NELL2: variants seen among roughly 807,000 people sequenced by gnomAD.
NELL2 encodes neural EGFL like 2.
In NELL2, 41 loss-of-function variants were observed where a neutral mutation model predicts 109.6. The ratio of observed to expected loss-of-function variants is 0.37; its 90% CI spans 0.29 to 0.49. The LOEUF is 0.49. Ranked by LOEUF, NELL2 falls within the 20% of genes least tolerant of loss-of-function variation. The pLI is 0.98. For missense variants in NELL2, 900 were observed against 1,008.3 expected, an observed-to-expected ratio of 0.89 and a Z score of 1.45; for synonymous variants, 355 against 344.7, an observed-to-expected ratio of 1.03 and a Z score of -0.33.
chr12:44,844,365 G>C (rs1339062031), intron 2 of NELL2, among the ~76,000 whole-genome samples: 5 of 152,092 alleles, frequency 3.3e-5, no homozygotes, highest in Admixed American at 3.3e-4. Flanking sequence ...CAATAAAAAG[G>C]GACAAACTTC....
chr12:44,716,243 A>C (rs1938480614), intron 9 of NELL2, among the ~76,000 whole-genome samples: 1 of 152,208 alleles, frequency 6.6e-6, no homozygotes, highest in South Asian at 2.1e-4. Context: ...AATGGAAACC[A>C]TGCACGTTTT....
intron 12 of NELL2, among the ~76,000 whole-genome samples, chr12:44,701,927 G>A (rs921024358): frequency 1.3e-5 from 2 of 152,062 alleles, no homozygotes; most frequent in Admixed American, 1.3e-4. Context: ...CCTGGCCCCT[G>A]CCTAATTCTC....
intron 9 of NELL2, among the ~76,000 whole-genome samples, chr12:44,743,720 TA>T (rs1361487158): frequency 6.6e-6 from 1 of 152,052 alleles, no homozygotes; most frequent in Non-Finnish European, 1.5e-5. Flanking sequence ...CACATAATGG[TA>T]AAGGGATCAA....
Position 44,523,278 on chromosome 12 carries a change from C to T in NELL2, c.1998+13G>A, listed in dbSNP as rs372252823. 751 of 1,613,794 alleles carry T rather than the reference C, an allele frequency of 4.7e-4. No individual in the cohort carries two copies. The highest frequency in any genetic ancestry group is 6.0e-4 in the Non-Finnish European group (705 of 1,179,806). ...CTGAATAAAATTAATTAAAGTTTTT[C>T]ATTTATACCAACCTGACATGAGCAC... On this transcript the variant is annotated intron_variant, in intron 17 of 19. Coordinates refer to ENST00000429094, the MANE Select transcript of NELL2 (RefSeq NM_001145108.2).
intron 2 of NELL2, among the ~76,000 whole-genome samples, chr12:44,846,761 A>G (rs1592645357): frequency 1.4e-5 from 1 of 72,494 alleles, no homozygotes; most frequent in Non-Finnish European, 4.1e-5. Context: ...GCAAGTGTAC[A>G]TATTTGTACT....
chr12:44,814,797 A>G (rs924222434), intron 3 of NELL2, among the ~76,000 whole-genome samples: 2 of 152,200 alleles, frequency 1.3e-5, no homozygotes, highest in Non-Finnish European at 2.9e-5. Flanking sequence ...TGTTCTCCAC[A>G]TAGATTTTCT....
chr12:44,706,390 A>G (rs908628901), intron 11 of NELL2, among the ~76,000 whole-genome samples: 1 of 152,158 alleles, frequency 6.6e-6, no homozygotes, highest in Non-Finnish European at 1.5e-5. Context: ...TCTGATCTAT[A>G]GGGAATAGCT....
intron 15 of NELL2, among the ~76,000 whole-genome samples, chr12:44,575,273 C>G (rs1944032740): frequency 6.6e-6 from 1 of 152,236 alleles, no homozygotes; most frequent in Admixed American, 6.5e-5. Flanking sequence ...TTTTAACTTA[C>G]TTAAAACTTG....
intron 16 of NELL2, among the ~76,000 whole-genome samples, chr12:44,531,491 G>A (rs1473971453): frequency 4.6e-5 from 7 of 152,088 alleles, no homozygotes; most frequent in African/African-American, 7.2e-5. Flanking sequence ...ACATGCAAAT[G>A]CCAGGTTTTA....
chr12:44,771,685 T>G (rs899241308), intron 9 of NELL2, among the ~76,000 whole-genome samples: 1 of 152,238 alleles, frequency 6.6e-6, no homozygotes, highest in Admixed American at 6.5e-5. Flanking sequence ...CAATGCTTTG[T>G]TTATGTAGAT....
At chr12:44,751,992 T>G (rs1045010512) in intron 9 of NELL2, among the ~76,000 whole-genome samples, 17 of 152,134 alleles carry the variant, frequency 1.1e-4, no homozygotes, top group African/African-American at 3.9e-4. Flanking sequence ...GTCATAATGT[T>G]TTAACAAAGT....
chr12:44,790,164 C>A lies in NELL2; in HGVS notation c.336-10142G>T, dbSNP rs1942328025. Among the ~76,000 whole-genome samples the A allele has an allele frequency of 2.0e-5, 3 of 152,152 alleles. No individual in the cohort carries two copies. The South Asian group carries it at 6.2e-4, about 32-fold the overall frequency. Reference sequence around the variant, plus strand: ...CATCATAAAAAGATCATCGCCTAGGCACATTATCATCAGGTTATCTAAAGT... The same window carrying A: ...CATCATAAAAAGATCATCGCCTAGGAACATTATCATCAGGTTATCTAAAGT... On this transcript the variant is annotated intron_variant, in intron 3 of 19. Coordinates refer to ENST00000429094, the MANE Select transcript of NELL2 (RefSeq NM_001145108.2).
chr12:44,876,774 C>A, upstream of NELL2: 1 of 1,439,116 alleles, frequency 6.9e-7, no homozygotes, highest in South Asian at 1.4e-5. Flanking sequence ...GCAGGGCACT[C>A]CCCCTCCAGG....
At position 44,620,121 on chromosome 12, in the gene NELL2, GTTTT is replaced by G. The variant is rs147103574; in HGVS notation, c.1445-9155_1445-9152del. On this transcript the variant is annotated intron_variant, in intron 13 of 19. Coordinates refer to ENST00000429094, the MANE Select transcript of NELL2 (RefSeq NM_001145108.2). ...TGTTATTCTTGTTCGCCTGGGTTTT[GTTTT>G]TTTTTTTTTTTTATGGCAAAGAAGA... Among the ~76,000 whole-genome samples the G allele has an allele frequency of 1.3e-3, 181 of 134,442 alleles. 1 individual carries two copies. Among genetic ancestry groups the G allele is most frequent in the African/African-American group, 4.1e-3 (155 of 37,898 alleles). 88.2% of individuals were successfully genotyped at this position (134,442 alleles called of 152,430 possible).
At chr12:44,687,811 T>C (rs1165263721) in intron 12 of NELL2, among the ~76,000 whole-genome samples, 1 of 152,248 alleles carries the variant, frequency 6.6e-6, no homozygotes, top group African/African-American at 2.4e-5. Context: ...TCAATTAGAT[T>C]TTTTAAAGCT....
chr12:44,634,425 TG>T (rs1946564277), intron 13 of NELL2, among the ~76,000 whole-genome samples: 1 of 152,060 alleles, frequency 6.6e-6, no homozygotes, highest in Admixed American at 6.6e-5. Context: ...ATGTGGTGTT[TG>T]GTTTTCTGTT....
At chr12:44,826,218 T>C (rs1362471137) in intron 2 of NELL2, among the ~76,000 whole-genome samples, 2 of 152,184 alleles carry the variant, frequency 1.3e-5, no homozygotes, top group African/African-American at 4.8e-5. Context: ...CCCACTGCAG[T>C]GTGTAGAAAC....
chr12:44,571,069 G>T (rs139468335), intron 15 of NELL2, among the ~76,000 whole-genome samples: 1 of 152,128 alleles, frequency 6.6e-6, no homozygotes, highest in African/African-American at 2.4e-5. Context: ...TATATACTAA[G>T]AGAAAAAAGG....
At chr12:44,613,743 C>G (rs1426925172) in intron 13 of NELL2, among the ~76,000 whole-genome samples, 1 of 152,004 alleles carries the variant, frequency 6.6e-6, no homozygotes, top group Non-Finnish European at 1.5e-5. Context: ...TAATCCTTCA[C>G]AAAAACAGAA....
Sources: allele counts gnomAD v4.1 joint callset (sites outside exome capture counted in the v4.1 genomes callset), GRCh38; gene constraint gnomAD v4.1.1; transcripts MANE v1.5; gene names NCBI Gene and HGNC (gene_info 2026-07-23, HGNC 2026-07-21).